The following CDH7 variants were observed in gnomAD, a reference collection of about 807,000 sequenced individuals.
The protein encoded by CDH7 is cadherin-7.
In CDH7, 25 loss-of-function variants were observed where a neutral mutation model predicts 71.8. The ratio of observed to expected loss-of-function variants is 0.35; its 90% CI spans 0.25 to 0.49. The LOEUF is 0.49. CDH7 is among the 20% of genes least tolerant of loss of function. CDH7 has a pLI of 0.99. For synonymous variants in CDH7, 381 were observed against 363.8 expected (o/e 1.05, Z -0.54); for missense variants, 862 against 974.6 (o/e 0.88, Z 1.54).
chr18:65,783,444 C>A (rs1025686683), intron 2 of CDH7, among the ~76,000 whole-genome samples: 5 of 152,128 alleles, frequency 3.3e-5, no homozygotes, highest in Non-Finnish European at 7.4e-5. Flanking sequence ...AGGAGGTTGG[C>A]AAAATAATGC....
chr18:65,759,934 A>ATG (rs1916145415), intron 1 of CDH7, among the ~76,000 whole-genome samples: 1 of 152,222 alleles, frequency 6.6e-6, no homozygotes, highest in South Asian at 2.1e-4. Context: ...ACATATATAT[A>ATG]TAGTACTTTG....
Position 65,773,821 on chromosome 18 carries a change from C to T in CDH7, c.210+10769C>T, listed in dbSNP as rs189762931. ...TGCATGTATGGGACGCTTATGAAACCATGAGCATTGCTGTGAGAGGATTTT... is the reference window on the plus strand; with the variant it reads ...TGCATGTATGGGACGCTTATGAAACTATGAGCATTGCTGTGAGAGGATTTT... On this transcript the variant is annotated intron_variant, in intron 2 of 11. Coordinates refer to ENST00000397968, the MANE Select transcript of CDH7 (RefSeq NM_004361.5). Among the ~76,000 whole-genome samples the T allele has an allele frequency of 7.9e-5, 12 of 152,102 alleles. No individual in the cohort carries two copies. In the East Asian group the frequency reaches 2.3e-3, roughly 29 times the overall value.
intron 11 of CDH7, among the ~76,000 whole-genome samples, chr18:65,873,068 T>G (rs1913974369): frequency 6.6e-6 from 1 of 152,178 alleles, no homozygotes; most frequent in Non-Finnish European, 1.5e-5. Context: ...ACAGGATCAA[T>G]AAATGGTGAA....
intron 6 of CDH7, among the ~76,000 whole-genome samples, chr18:65,828,698 G>T (rs981417161): frequency 2.0e-5 from 3 of 151,640 alleles, no homozygotes; most frequent in East Asian, 1.9e-4. Context: ...TGTTTTTCAG[G>T]GGTCAATTGT....
chr18:65,772,187 A>G (rs1274823633), intron 2 of CDH7, among the ~76,000 whole-genome samples: 1 of 152,224 alleles, frequency 6.6e-6, no homozygotes, highest in Admixed American at 6.6e-5. Context: ...GATGATCACC[A>G]GTGAAATTAG....
rs369250366 is a variant in CDH7, at chr18:65,793,758, TAAAC to T, written c.211-15942_211-15939del. Reference sequence around the variant, plus strand: ...AAGAAAACACATGCAGTAGCAGTAATAAACAAAATGCTGGCATTGACTGAAGCTG... The same window carrying T: ...AAGAAAACACATGCAGTAGCAGTAATAAAATGCTGGCATTGACTGAAGCTG... On this transcript the variant is annotated intron_variant, in intron 2 of 11. Coordinates refer to ENST00000397968, the MANE Select transcript of CDH7 (RefSeq NM_004361.5). Among the ~76,000 whole-genome samples the T allele has an allele frequency of 3.5e-3, 533 of 152,280 alleles. 3 individuals carry two copies. The highest frequency in any genetic ancestry group is 0.012 in the African/African-American group (515 of 41,580).
chr18:65,753,155 C>T (rs73963781), intron 1 of CDH7, among the ~76,000 whole-genome samples: 2 of 152,146 alleles, frequency 1.3e-5, no homozygotes, highest in Admixed American at 1.3e-4. Flanking sequence ...AATCAAATGA[C>T]TGTCTCTCCT....
Position 65,881,021 on chromosome 18 carries a change from T to A in CDH7, c.*127T>A. 2 of 912,694 alleles carry A rather than the reference T, an allele frequency of 2.2e-6. No homozygotes were observed. The highest frequency in any genetic ancestry group is 3.2e-6 in the Non-Finnish European group (2 of 632,090). 56.5% of individuals were successfully genotyped at this position (912,694 alleles called of 1,614,324 possible). A position where few individuals can be genotyped will look rare whatever the true frequency, so the allele number is the denominator to read the frequency against. ...TCCCCTTGCTGGAGACAGATGGTTG[T>A]AAATATTTCTCCATTTTTAATTGTT... On this transcript the variant is annotated 3_prime_UTR_variant, in exon 12 of 12. Transcript: ENST00000397968.
In CDH7 at chr18:65,802,475, G is replaced by A. The variant is rs960098158; in HGVS notation, c.211-7229G>A. 2.0e-5 allele frequency among the ~76,000 whole-genome samples: 3 copies of A among 152,192 alleles called. No homozygotes were observed. In the East Asian group the frequency reaches 5.8e-4, roughly 29 times the overall value. On this transcript the variant is annotated intron_variant, in intron 2 of 11. Transcript: ENST00000397968. ...CTTTGAGTGGTGATACTTTTGCCTT[G>A]GTTATAGACGTTTTCTGCTCAACCA...
At chr18:65,806,713 A>G (rs1010885325) in intron 2 of CDH7, among the ~76,000 whole-genome samples, 4 of 151,966 alleles carry the variant, frequency 2.6e-5, no homozygotes, top group Admixed American at 1.3e-4. Context: ...GACACTTGTC[A>G]ACTTAAGAAC....
At chr18:65,794,171 G>GT (rs34950383) in intron 2 of CDH7, among the ~76,000 whole-genome samples, 14,114 of 151,052 alleles carry the variant, frequency 0.093, 1,382 homozygotes, top group African/African-American at 0.25. Context: ...ATAATACACA[G>GT]TTTTTTTTTC....
intron 6 of CDH7, among the ~76,000 whole-genome samples, chr18:65,837,959 C>G (rs1912591046): frequency 7.6e-6 from 1 of 130,920 alleles, no homozygotes; most frequent in South Asian, 2.4e-4. Flanking sequence ...ATGTCTTGCT[C>G]TGTCGCCCGG....
intron 11 of CDH7, among the ~76,000 whole-genome samples, chr18:65,874,098 C>T (rs1275344746): frequency 6.6e-6 from 1 of 152,146 alleles, no homozygotes; most frequent in African/African-American, 2.4e-5. Context: ...AGCAAAGTCA[C>T]TGCCCTTCAT....
chr18:65,807,507 G>A (rs780773494), intron 2 of CDH7, among the ~76,000 whole-genome samples: 24 of 152,122 alleles, frequency 1.6e-4, no homozygotes, highest in Non-Finnish European at 3.4e-4. Flanking sequence ...GTATATAATT[G>A]ATATTTCTTG....
chr18:65,845,782 G>T (rs1912913860), intron 7 of CDH7, among the ~76,000 whole-genome samples: 1 of 152,020 alleles, frequency 6.6e-6, no homozygotes, highest in Non-Finnish European at 1.5e-5. Context: ...ATGGAGCCAG[G>T]TGGGGTGACA....
chr18:65,769,695 G>A, intron 2 of CDH7, among the ~76,000 whole-genome samples: 1 of 152,158 alleles, frequency 6.6e-6, no homozygotes, highest in Non-Finnish European at 1.5e-5. Flanking sequence ...GTCTGGGATA[G>A]TTCCTTAGTC....
chr18:65,751,510 C>T (rs1173108122), intron 1 of CDH7, among the ~76,000 whole-genome samples: 1 of 152,164 alleles, frequency 6.6e-6, no homozygotes, highest in African/African-American at 2.4e-5. Flanking sequence ...AAGCAGGCTC[C>T]TCCCTCAACC....
chr18:65,850,630 A>T (rs543274164), intron 7 of CDH7, among the ~76,000 whole-genome samples: 2 of 150,960 alleles, frequency 1.3e-5, no homozygotes, highest in East Asian at 3.9e-4. Flanking sequence ...ATATCTTGAT[A>T]TATGTGGCCG....
At chr18:65,811,412 T>A (rs1264802352) in intron 3 of CDH7, among the ~76,000 whole-genome samples, 1 of 152,126 alleles carries the variant, frequency 6.6e-6, no homozygotes, top group Non-Finnish European at 1.5e-5. Flanking sequence ...GACAGAAGAA[T>A]CAATGCTTGT....
Sources: allele counts gnomAD v4.1 joint callset (sites outside exome capture counted in the v4.1 genomes callset), GRCh38; gene constraint gnomAD v4.1.1; transcripts MANE v1.5; gene names NCBI Gene and HGNC (gene_info 2026-07-23, HGNC 2026-07-21).